UBE2D2: variants seen among roughly 807,000 people sequenced by gnomAD.
UBE2D2 encodes the protein ubiquitin-conjugating enzyme E2 D2.
Under a neutral mutation model 24.2 loss-of-function variants are expected in UBE2D2, and 2 were observed. That is an observed-to-expected ratio of 0.08 (90% CI 0.03 to 0.26). The LOEUF (loss-of-function observed/expected upper bound fraction) is 0.26, where lower values mean the gene tolerates loss of function less well. UBE2D2 is among the 10% of genes least tolerant of loss of function. UBE2D2 has a pLI of 1.00. For synonymous variants in UBE2D2, 58 were observed against 56.5 expected (o/e 1.03, Z -0.12); for missense variants, 44 against 177.6 (o/e 0.25, Z 4.28).
chr5:139,549,890 G>A (rs559122204), intron 1 of UBE2D2, among the ~76,000 whole-genome samples: 8 of 152,358 alleles, frequency 5.3e-5, no homozygotes, highest in African/African-American at 1.4e-4. Flanking sequence ...CTAGCTCAGG[G>A]TTCATGGATG....
intron 1 of UBE2D2, among the ~76,000 whole-genome samples, chr5:139,535,747 C>T (rs908676513): frequency 2.0e-5 from 3 of 152,206 alleles, no homozygotes; most frequent in East Asian, 3.8e-4. Flanking sequence ...TTATGATATA[C>T]ATTTTTATTA....
chr5:139,550,584 T>C (rs775424031), intron 1 of UBE2D2, among the ~76,000 whole-genome samples: 8 of 152,002 alleles, frequency 5.3e-5, no homozygotes, highest in Admixed American at 3.3e-4. Flanking sequence ...GGGAGTTTTG[T>C]TTTTTTGATC....
intron 1 of UBE2D2, among the ~76,000 whole-genome samples, chr5:139,543,546 G>A (rs765717407): frequency 6.6e-5 from 10 of 152,260 alleles, no homozygotes; most frequent in Admixed American, 2.6e-4. Context: ...GGCGCCAGCT[G>A]CCCCGGCGAC....
chr5:139,598,772 G>C (rs376290220), intron 1 of UBE2D2, among the ~76,000 whole-genome samples: 3 of 151,470 alleles, frequency 2.0e-5, no homozygotes, highest in African/African-American at 7.3e-5. Context: ...ATGTTGGCCA[G>C]GCTGGTTTCA....
At chr5:139,580,150 A>G (rs765401820) in intron 1 of UBE2D2, among the ~76,000 whole-genome samples, 3 of 152,066 alleles carry the variant, frequency 2.0e-5, no homozygotes, top group Non-Finnish European at 2.9e-5. Flanking sequence ...ATTGAGTGCA[A>G]TGGAGCAACC....
chr5:139,615,025 TA>T lies in UBE2D2; in HGVS notation c.304+60del, dbSNP rs529776280. The T allele has an allele frequency of 5.7e-5, 83 of 1,446,926 alleles. 1 individual carries two copies. The East Asian group carries it at 1.9e-3, about 32-fold the overall frequency. The allele number at this position is 1,446,926 out of a possible 1,614,324, so 89.6% of individuals were successfully genotyped here. On this transcript the variant is annotated intron_variant, in intron 5 of 6. Transcript: ENST00000398733. ...ACCGTGTCTTTTGTCTTTTTAGAGT[TA>T]TTTATTTTTGAAAAGATTACTTATG...
intron 6 of UBE2D2, among the ~76,000 whole-genome samples, chr5:139,626,133 A>G (rs1425968094): frequency 5.3e-5 from 8 of 151,728 alleles, no homozygotes; most frequent in East Asian, 1.9e-4. Context: ...CAGTATTGCA[A>G]TCTCAGCTCA....
At chr5:139,584,686 C>G (rs1753687554) in intron 1 of UBE2D2, among the ~76,000 whole-genome samples, 1 of 151,358 alleles carries the variant, frequency 6.6e-6, no homozygotes, top group Admixed American at 6.6e-5. Flanking sequence ...GCATGTGCCA[C>G]CATACCCGGC....
At chr5:139,533,607 C>T (rs544076126) in intron 1 of UBE2D2, among the ~76,000 whole-genome samples, 5 of 150,634 alleles carry the variant, frequency 3.3e-5, no homozygotes, top group South Asian at 2.1e-4. Flanking sequence ...CCCAAGATCG[C>T]GCCATTGCAC....
intron 1 of UBE2D2, among the ~76,000 whole-genome samples, chr5:139,591,842 T>C (rs1453842432): frequency 6.6e-6 from 1 of 152,138 alleles, no homozygotes; most frequent in Non-Finnish European, 1.5e-5. Flanking sequence ...CTAGTTAAGA[T>C]AGGAGTGAGG....
rs576218782 is a variant in UBE2D2, at chr5:139,535,473, A to T, written c.-64+8861A>T. Among the ~76,000 whole-genome samples the T allele has an allele frequency of 2.6e-5, 4 of 151,524 alleles. No homozygotes were observed. The South Asian group carries it at 8.4e-4, about 32-fold the overall frequency. On this transcript the variant is annotated intron_variant, in intron 1 of 6. Transcript: ENST00000511725. ...TCAAAAAAAAACAAAAAACAAAAAAACAAAAATCAGCCGGATGCAGTGGCA... is the reference window on the plus strand; with the variant it reads ...TCAAAAAAAAACAAAAAACAAAAAATCAAAAATCAGCCGGATGCAGTGGCA...
At chr5:139,587,067 G>T (rs1008459740) in intron 1 of UBE2D2, among the ~76,000 whole-genome samples, 8 of 152,150 alleles carry the variant, frequency 5.3e-5, no homozygotes, top group African/African-American at 1.7e-4. Flanking sequence ...CTGACCTGGG[G>T]TTGTTGGCCT....
At chr5:139,549,185 G>C (rs536249679) in intron 1 of UBE2D2, among the ~76,000 whole-genome samples, 45 of 152,270 alleles carry the variant, frequency 3.0e-4, no homozygotes, top group Admixed American at 2.0e-3. Flanking sequence ...AGGTGACAAC[G>C]TGCTAGCAGC....
intron 1 of UBE2D2, among the ~76,000 whole-genome samples, chr5:139,562,712 G>A (rs1044464992): frequency 6.6e-6 from 1 of 152,102 alleles, no homozygotes; most frequent in African/African-American, 2.4e-5. Flanking sequence ...GCTCTTTAAA[G>A]TGAAGGGTTA....
At chr5:139,546,818 C>CTT (rs1257754527) in intron 1 of UBE2D2, among the ~76,000 whole-genome samples, 2 of 1,342 alleles carry the variant, frequency 1.5e-3, no homozygotes, top group Non-Finnish European at 3.1e-3. Context: ...TTCTTTCTTT[C>CTT]TTCCTTCCTT....
At chr5:139,613,068 T>G (rs752903487) in intron 2 of UBE2D2, among the ~76,000 whole-genome samples, 4 of 152,244 alleles carry the variant, frequency 2.6e-5, no homozygotes, top group Non-Finnish European at 5.9e-5. Flanking sequence ...TATAAGTGTT[T>G]GTAAGTACTA....
chr5:139,540,573 T>C (rs1453456850), intron 1 of UBE2D2, among the ~76,000 whole-genome samples: 3 of 150,788 alleles, frequency 2.0e-5, no homozygotes, highest in African/African-American at 7.3e-5. Flanking sequence ...GAATAATAGC[T>C]ATCTAATTAT....
chr5:139,624,111 A>G (rs191734920), intron 6 of UBE2D2, among the ~76,000 whole-genome samples: 2 of 152,300 alleles, frequency 1.3e-5, no homozygotes, highest in Admixed American at 1.3e-4. Flanking sequence ...ATTAATGGGA[A>G]AAGAGAATTG....
In UBE2D2 at chr5:139,626,867, T is replaced by A; in HGVS notation, c.*66T>A. 3.5e-6 allele frequency: 5 copies of A among 1,434,726 alleles called. No homozygotes were observed. The highest frequency in any genetic ancestry group is 4.9e-6 in the Non-Finnish European group (5 of 1,028,022). The allele number at this position is 1,434,726 out of a possible 1,614,324, so 88.9% of individuals were successfully genotyped here. A position where few individuals can be genotyped will look rare whatever the true frequency, so the allele number is the denominator to read the frequency against. ...GGAACTCTGAAAGAGAAAGTCCTTT[T>A]GATTTCCATTTGACTGCTTTCTATG... On this transcript the variant is annotated 3_prime_UTR_variant, in exon 7 of 7. Coordinates refer to ENST00000398733, the MANE Select transcript of UBE2D2 (RefSeq NM_003339.3).
Sources: gnomAD v4.1 joint callset for allele counts (sites outside exome capture counted in the v4.1 genomes callset) on GRCh38, gnomAD v4.1.1 for gene constraint, MANE v1.5 for transcripts, NCBI Gene and HGNC (gene_info 2026-07-23, HGNC 2026-07-21) for gene names.